LRRTM4: variants seen among roughly 807,000 people sequenced by gnomAD.
LRRTM4 encodes the protein leucine rich repeat transmembrane neuronal 4.
Under a neutral mutation model 47.6 loss-of-function variants are expected in LRRTM4, and 25 were observed. The observed-to-expected ratio is 0.53, with a 90% CI of 0.38 to 0.73. The LOEUF is 0.73. LRRTM4 is among the 30% of genes least tolerant of loss of function. The pLI is 0.00. For synonymous variants in LRRTM4, 311 were observed against 269.5 expected (o/e 1.15, Z -1.51); for missense variants, 638 against 713.4 (o/e 0.89, Z 1.20).
At chr2:77,426,809 ACACACACACACACACACACATG>A (rs1453118528) in intron 3 of LRRTM4, among the ~76,000 whole-genome samples, 42 of 140,112 alleles carry the variant, frequency 3.0e-4, no homozygotes, top group African/African-American at 8.7e-4. Flanking sequence ...GTGTATGCAC[ACACACACACACACACACACATG>A]CACACACACA....
At chr2:77,402,403 C>G (rs917725752) in intron 3 of LRRTM4, among the ~76,000 whole-genome samples, 1 of 151,886 alleles carries the variant, frequency 6.6e-6, no homozygotes, top group African/African-American at 2.4e-5. Flanking sequence ...CTTACCTCAG[C>G]CTTCCAAAGA....
At chr2:77,373,559 A>T (rs1672726725) in intron 3 of LRRTM4, among the ~76,000 whole-genome samples, 1 of 151,734 alleles carries the variant, frequency 6.6e-6, no homozygotes, top group African/African-American at 2.4e-5. Flanking sequence ...GTTAGCATAG[A>T]AAGTTTTTTG....
intron 3 of LRRTM4, among the ~76,000 whole-genome samples, chr2:77,005,154 T>A (rs1260567611): frequency 6.6e-6 from 1 of 152,032 alleles, no homozygotes; most frequent in East Asian, 1.9e-4. Flanking sequence ...TGTTTTGTTT[T>A]GTTTCTTTGA....
intron 3 of LRRTM4, among the ~76,000 whole-genome samples, chr2:77,158,070 C>G (rs1445548407): frequency 2.0e-5 from 3 of 152,042 alleles, no homozygotes; most frequent in Admixed American, 2.0e-4. Flanking sequence ...TAAAGAAACA[C>G]AGGGGAAATA....
chr2:76,786,683 T>G (rs1258251184), intron 3 of LRRTM4, among the ~76,000 whole-genome samples: 6 of 152,102 alleles, frequency 3.9e-5, no homozygotes, highest in Non-Finnish European at 7.4e-5. Context: ...TTCCTCCACT[T>G]CTTTGATTCC....
rs1517783 is a variant in LRRTM4, at chr2:76,759,856, G to A, written c.1552-10940C>T. 6.6e-5 allele frequency among the ~76,000 whole-genome samples: 10 copies of A among 151,996 alleles called. 1 individual carries two copies. In the East Asian group the frequency reaches 2.0e-3, roughly 30 times the overall value. ...CCACCTGTTTAAAATGTCACCCCACGCTGATTCACATATGTAAACCATTTC... is the reference window on the plus strand; with the variant it reads ...CCACCTGTTTAAAATGTCACCCCACACTGATTCACATATGTAAACCATTTC... On this transcript the variant is annotated intron_variant, in intron 3 of 3. Transcript: ENST00000409884.
intron 3 of LRRTM4, among the ~76,000 whole-genome samples, chr2:76,991,822 A>G (rs960750514): frequency 2.0e-5 from 3 of 151,646 alleles, no homozygotes; most frequent in African/African-American, 7.2e-5. Flanking sequence ...ACCAGGCACA[A>G]ACACAACAAA....
At chr2:77,243,434 TAAAAAAAAA>T (rs923816143) in intron 3 of LRRTM4, among the ~76,000 whole-genome samples, 4 of 31,026 alleles carry the variant, frequency 1.3e-4, no homozygotes, top group East Asian at 8.5e-4. Flanking sequence ...ATAAAAAAAA[TAAAAAAAAA>T]AGATAAATAC....
chr2:77,076,931 G>A (rs987986127), intron 3 of LRRTM4, among the ~76,000 whole-genome samples: 1 of 152,050 alleles, frequency 6.6e-6, no homozygotes, highest in Admixed American at 6.6e-5. Context: ...TCTCTCCCCT[G>A]TATTTCCCCT....
At chr2:77,509,670 T>G (rs539285880) in intron 3 of LRRTM4, among the ~76,000 whole-genome samples, 6 of 152,318 alleles carry the variant, frequency 3.9e-5, no homozygotes, top group African/African-American at 1.4e-4. Flanking sequence ...TGGTTAATAA[T>G]CATTCATATT....
intron 3 of LRRTM4, among the ~76,000 whole-genome samples, chr2:76,968,487 C>T (rs1558767984): frequency 1.3e-5 from 2 of 149,658 alleles, no homozygotes; most frequent in African/African-American, 4.9e-5. Flanking sequence ...TATCCATCTA[C>T]CTATCTATTT....
At chr2:77,070,416 A>G (rs547501151) in intron 3 of LRRTM4, among the ~76,000 whole-genome samples, 2 of 152,246 alleles carry the variant, frequency 1.3e-5, no homozygotes, top group Non-Finnish European at 2.9e-5. Flanking sequence ...CTCTATATAT[A>G]TATTTTAAAG....
At chr2:77,089,556 T>A (rs2103880390) in intron 3 of LRRTM4, among the ~76,000 whole-genome samples, 1 of 152,090 alleles carries the variant, frequency 6.6e-6, no homozygotes, top group Non-Finnish European at 1.5e-5. Context: ...TTCCCACTTT[T>A]CTGGAAGGTA....
intron 3 of LRRTM4, among the ~76,000 whole-genome samples, chr2:76,938,890 C>A (rs1393826789): frequency 1.3e-5 from 2 of 151,844 alleles, no homozygotes; most frequent in Admixed American, 6.6e-5. Flanking sequence ...CATTTAAGTT[C>A]TGTATATATA....
chr2:77,313,326 C>T (rs1677516823), intron 3 of LRRTM4, among the ~76,000 whole-genome samples: 1 of 148,498 alleles, frequency 6.7e-6, no homozygotes, highest in South Asian at 2.1e-4. Context: ...ATGTGCCCCC[C>T]TACCTTTTCC....
chr2:77,032,386 T>C (rs1678691232), intron 3 of LRRTM4, among the ~76,000 whole-genome samples: 1 of 152,142 alleles, frequency 6.6e-6, no homozygotes, highest in African/African-American at 2.4e-5. Context: ...TCACAGCATT[T>C]ACCATTGGAC....
Position 77,254,431 on chromosome 2 carries a change from T to C in LRRTM4, c.1551+263887A>G, listed in dbSNP as rs80203068. 7.0e-3 allele frequency among the ~76,000 whole-genome samples: 1,066 copies of C among 151,958 alleles called. 10 individuals are homozygous for C. The highest frequency in any genetic ancestry group is 0.031 in the South Asian group (149 of 4,822). ...CAAACTTACCCTAAAAGAACAGATT[T>C]AGGGCATTCTCTAAACAGAATGGAA... On this transcript the variant is annotated intron_variant, in intron 3 of 3. Coordinates refer to ENST00000409884, the MANE Select transcript of LRRTM4 (RefSeq NM_001134745.3).
intron 3 of LRRTM4, among the ~76,000 whole-genome samples, chr2:77,470,969 CT>C (rs1677166762): frequency 6.6e-6 from 1 of 152,088 alleles, no homozygotes; most frequent in African/African-American, 2.4e-5. Flanking sequence ...CTCAGTGCTT[CT>C]TGCTTGGTGA....
At chr2:76,840,913 T>G (rs1388157269) in intron 3 of LRRTM4, among the ~76,000 whole-genome samples, 1 of 151,790 alleles carries the variant, frequency 6.6e-6, no homozygotes, top group Admixed American at 6.6e-5. Context: ...GACCCAGCCA[T>G]CCCATTACTG....
Sources: gnomAD v4.1 joint callset for allele counts (sites outside exome capture counted in the v4.1 genomes callset) on GRCh38, gnomAD v4.1.1 for gene constraint, MANE v1.5 for transcripts, NCBI Gene and HGNC (gene_info 2026-07-23, HGNC 2026-07-21) for gene names.